The following BET1 variants were observed in gnomAD, a reference collection of about 807,000 sequenced individuals.
BET1 encodes the protein Bet1 golgi vesicular membrane trafficking protein.
In BET1, 9 loss-of-function variants were observed where a neutral mutation model predicts 13.9. The observed-to-expected ratio is 0.65, with a 90% CI of 0.39 to 1.13. The LOEUF (loss-of-function observed/expected upper bound fraction) is 1.13. Among genes scored for constraint, BET1 ranks in the 50% most tolerant of loss-of-function variants. The pLI, the probability that BET1 is intolerant of heterozygous loss-of-function variation, is 0.01. For synonymous variants in BET1, 39 were observed against 47.3 expected (o/e 0.82, Z 0.72); for missense variants, 127 against 133.6 (o/e 0.95, Z 0.24).
At chr7:93,985,859 CTGA>C (rs1213128777) in intron 4 of BET1, among the ~76,000 whole-genome samples, 1 of 152,142 alleles carries the variant, frequency 6.6e-6, no homozygotes, top group Non-Finnish European at 1.5e-5. Flanking sequence ...ACCCTCCAAG[CTGA>C]TAAGCAATTA....
Position 93,993,718 on chromosome 7 carries a change from A to G in BET1, c.*512T>C. Reference sequence around the variant, plus strand: ...CATCAAAAATTATTAGGAAGATTGTAGGTAAAAAGAAATCAGCCTACAATT... The same window carrying G: ...CATCAAAAATTATTAGGAAGATTGTGGGTAAAAAGAAATCAGCCTACAATT... On this transcript the variant is annotated 3_prime_UTR_variant, in exon 4 of 4. Coordinates refer to ENST00000222547, the MANE Select transcript of BET1 (RefSeq NM_005868.6). The G allele has an allele frequency of 7.3e-7, 1 of 1,362,552 alleles. No homozygotes were observed. Among genetic ancestry groups the G allele is most frequent in the Non-Finnish European group, 9.4e-7 (1 of 1,063,452 alleles). The allele number at this position is 1,362,552 out of a possible 1,614,324, so 84.4% of individuals were successfully genotyped here. A position where few individuals can be genotyped will look rare whatever the true frequency, so the allele number is the denominator to read the frequency against.
At chr7:94,003,919 A>G (rs907998959) in intron 1 of BET1, among the ~76,000 whole-genome samples, 15 of 151,692 alleles carry the variant, frequency 9.9e-5, no homozygotes, top group African/African-American at 3.4e-4. Flanking sequence ...AATAACACTA[A>G]AACACTCGAC....
At chr7:93,973,263 G>A (rs1053591085) in intron 5 of BET1, among the ~76,000 whole-genome samples, 7 of 151,892 alleles carry the variant, frequency 4.6e-5, no homozygotes, top group Admixed American at 1.3e-4. Flanking sequence ...TAAGGATTCT[G>A]CAGTCTTACT....
intron 4 of BET1, among the ~76,000 whole-genome samples, chr7:93,985,023 G>C (rs1194520102): frequency 2.0e-5 from 3 of 152,078 alleles, no homozygotes; most frequent in African/African-American, 7.2e-5. Context: ...TCTATATTTT[G>C]AAAATTCAGA....
chr7:93,972,050 T>C (rs1025163865), intron 6 of BET1, among the ~76,000 whole-genome samples: 1 of 151,864 alleles, frequency 6.6e-6, no homozygotes, highest in African/African-American at 2.4e-5. Flanking sequence ...GCTAAGATTG[T>C]GCTCCTTCCC....
At chr7:93,998,581 C>T (rs145192108) in intron 2 of BET1, among the ~76,000 whole-genome samples, 55 of 152,180 alleles carry the variant, frequency 3.6e-4, no homozygotes, top group African/African-American at 1.2e-3. Flanking sequence ...CACCTGCAAT[C>T]GCAGCTATTT....
intron 4 of BET1, among the ~76,000 whole-genome samples, chr7:93,976,962 A>G (rs775317634): frequency 6.6e-5 from 10 of 152,122 alleles, no homozygotes; most frequent in Non-Finnish European, 1.5e-4. Context: ...TTCACTTACA[A>G]TAACAGTCTC....
intron 4 of BET1, among the ~76,000 whole-genome samples, chr7:93,976,385 G>A (rs1795336949): frequency 6.6e-6 from 1 of 151,034 alleles, no homozygotes; most frequent in East Asian, 1.9e-4. Context: ...CATACATTCA[G>A]CATCTGCAAA....
At chr7:94,001,193 A>T (rs1364792387) in intron 1 of BET1, among the ~76,000 whole-genome samples, 1 of 152,234 alleles carries the variant, frequency 6.6e-6, no homozygotes. Context: ...GTACAGTACT[A>T]TAAGGGAAGA....
At chr7:93,976,085 G>A in exon 5 of BET1, 1 of 1,242,680 alleles carries the variant, frequency 8.0e-7, no homozygotes. Context: ...GAAATCCCTG[G>A]AACCTGAAGG....
intron 6 of BET1, among the ~76,000 whole-genome samples, chr7:93,971,949 G>A (rs2116033018): frequency 6.7e-6 from 1 of 149,294 alleles, no homozygotes; most frequent in Non-Finnish European, 1.5e-5. Flanking sequence ...AAAAAAAAAA[G>A]CCATTGGATA....
chr7:93,978,256 G>A (rs1314786476), intron 4 of BET1, among the ~76,000 whole-genome samples: 1 of 151,992 alleles, frequency 6.6e-6, no homozygotes, highest in South Asian at 2.1e-4. Flanking sequence ...TTTTTGTCGA[G>A]AGGGGTTTTG....
chr7:93,997,743 T>C (rs916160662), intron 2 of BET1, among the ~76,000 whole-genome samples: 5 of 152,224 alleles, frequency 3.3e-5, no homozygotes, highest in Non-Finnish European at 5.9e-5. Flanking sequence ...ATTAAAATCA[T>C]CTTCGTGTAA....
downstream of BET1, among the ~76,000 whole-genome samples, chr7:93,989,053 A>C (rs1017148228): frequency 7.3e-5 from 11 of 151,030 alleles, no homozygotes; most frequent in Non-Finnish European, 1.5e-4. Context: ...TCACTCTGTC[A>C]CCCAGGCTGG....
chr7:93,973,820 A>G (rs1008454), intron 5 of BET1, among the ~76,000 whole-genome samples: 64,128 of 151,856 alleles, frequency 0.42, 14,829 homozygotes, highest in African/African-American at 0.62. Context: ...AACCCCAACT[A>G]GAATACAAAC....
chr7:93,972,356 C>G lies in BET1; in HGVS notation c.*137+219G>C, dbSNP rs1287607601. 3 of 151,884 alleles carry G rather than the reference C, an allele frequency of 2.0e-5. No homozygotes were observed. The Admixed American group carries it at 2.0e-4, about 10-fold the overall frequency. 9.4% of individuals were successfully genotyped at this position (151,884 alleles called of 1,614,324 possible). On this transcript the variant is annotated intron_variant and NMD_transcript_variant, in intron 6 of 6. Coordinates refer to the BET1 transcript ENST00000357520. ...TATTTTCTTATTCAATTAACATTTA[C>G]AGAAAACCTATTATGTGCCACGCAT...
At chr7:93,980,933 C>T (rs1641227912) in intron 4 of BET1, among the ~76,000 whole-genome samples, 3 of 152,046 alleles carry the variant, frequency 2.0e-5, no homozygotes. Flanking sequence ...AGCGAAAGTA[C>T]ACAAGAGTTC....
chr7:94,001,777 A>G (rs1436648922), intron 1 of BET1, among the ~76,000 whole-genome samples: 3 of 152,246 alleles, frequency 2.0e-5, no homozygotes, highest in African/African-American at 4.8e-5. Context: ...TTCTGAGTAT[A>G]TAACATTTAC....
intron 1 of BET1, among the ~76,000 whole-genome samples, chr7:94,000,128 G>A (rs1675016770): frequency 6.8e-6 from 1 of 147,668 alleles, no homozygotes; most frequent in South Asian, 2.1e-4. Context: ...TTTTTGAGGT[G>A]GAGTCTCGCT....
Sources: allele counts gnomAD v4.1 joint callset (sites outside exome capture counted in the v4.1 genomes callset), GRCh38; gene constraint gnomAD v4.1.1; transcripts MANE v1.5; gene names NCBI Gene and HGNC (gene_info 2026-07-23, HGNC 2026-07-21).